SHISA6: variants seen among roughly 807,000 people sequenced by gnomAD.
SHISA6 encodes shisa family member 6.
In SHISA6, 22 loss-of-function variants were observed where a neutral mutation model predicts 47.9. The ratio of observed to expected loss-of-function variants is 0.46; its 90% CI spans 0.33 to 0.66. SHISA6 has a LOEUF of 0.66. SHISA6 is among the 30% of genes least tolerant of loss of function. The pLI is 0.02. For missense variants in SHISA6, 680 were observed against 764.6 expected (o/e 0.89, Z 1.30); for synonymous variants, 388 against 337.8 (o/e 1.15, Z -1.63).
chr17:11,291,137 A>G (rs1168883221), intron 2 of SHISA6, among the ~76,000 whole-genome samples: 10 of 152,126 alleles, frequency 6.6e-5, no homozygotes, highest in Non-Finnish European at 1.3e-4. Context: ...GGTAGTGAGC[A>G]GATATCTGCC....
chr17:11,325,678 A>G (rs1006228393), intron 2 of SHISA6, among the ~76,000 whole-genome samples: 3 of 148,066 alleles, frequency 2.0e-5, no homozygotes, highest in African/African-American at 7.5e-5. Flanking sequence ...AAATAATTGC[A>G]GGAAAGTGTG....
intron 3 of SHISA6, among the ~76,000 whole-genome samples, chr17:11,421,878 G>C (rs1914459781): frequency 6.6e-6 from 1 of 152,172 alleles, no homozygotes; most frequent in African/African-American, 2.4e-5. Context: ...CAAATTGAAA[G>C]GGTTATCTCA....
chr17:11,292,593 G>A (rs1477927502), intron 2 of SHISA6, among the ~76,000 whole-genome samples: 1 of 151,948 alleles, frequency 6.6e-6, no homozygotes, highest in Non-Finnish European at 1.5e-5. Flanking sequence ...AAAGATCCTG[G>A]GGAAGAAAAT....
In SHISA6 at chr17:11,412,697, G is replaced by A. The variant is rs533741784; in HGVS notation, c.895+33188G>A. On this transcript the variant is annotated intron_variant, in intron 3 of 5. Coordinates refer to ENST00000441885, the MANE Select transcript of SHISA6 (RefSeq NM_207386.4). ...GCTGGGACTACAGGCACCGGCCACC[G>A]TGCCGGGCTAATTTTTTGTATTTTT... is the stretch of plus-strand genomic sequence containing the variant. 1.5e-3 allele frequency among the ~76,000 whole-genome samples: 227 copies of A among 152,006 alleles called. 2 individuals are homozygous for A. Among genetic ancestry groups the A allele is most frequent in the East Asian group, 3.9e-3 (20 of 5,138 alleles).
At chr17:11,257,660 C>CA (rs11436926) in intron 1 of SHISA6, among the ~76,000 whole-genome samples, 112,739 of 136,632 alleles carry the variant, frequency 0.83, 47,319 homozygotes, top group South Asian at 0.92. Context: ...GATCCTGTCT[C>CA]AAAAAAAAAA....
At chr17:11,539,503 T>C (rs2071815647) in intron 3 of SHISA6, among the ~76,000 whole-genome samples, 1 of 152,212 alleles carries the variant, frequency 6.6e-6, no homozygotes, top group Non-Finnish European at 1.5e-5. Flanking sequence ...CACAGTGTAT[T>C]TGTACCACAG....
intron 2 of SHISA6, among the ~76,000 whole-genome samples, chr17:11,308,035 G>T (rs1910187273): frequency 6.6e-6 from 1 of 152,228 alleles, no homozygotes; most frequent in East Asian, 1.9e-4. Flanking sequence ...TTGTCCTGAT[G>T]GTCTGACTTT....
chr17:11,552,295 T>G (rs531307656), intron 4 of SHISA6, among the ~76,000 whole-genome samples: 1 of 152,308 alleles, frequency 6.6e-6, no homozygotes, highest in South Asian at 2.1e-4. Flanking sequence ...TCAAAGCTAT[T>G]TGTGATATCA....
At chr17:11,479,212 T>C (rs1434193514) in intron 3 of SHISA6, among the ~76,000 whole-genome samples, 1 of 152,072 alleles carries the variant, frequency 6.6e-6, no homozygotes, top group Non-Finnish European at 1.5e-5. Flanking sequence ...CACTCCAGCC[T>C]GGGTGACAGA....
chr17:11,425,217 T>G (rs1180908480), intron 3 of SHISA6, among the ~76,000 whole-genome samples: 1 of 151,734 alleles, frequency 6.6e-6, no homozygotes, highest in Non-Finnish European at 1.5e-5. Context: ...TAACTCAACA[T>G]GGTAAGCTCT....
chr17:11,328,047 A>G (rs1226300400), intron 2 of SHISA6, among the ~76,000 whole-genome samples: 2 of 152,176 alleles, frequency 1.3e-5, no homozygotes, highest in Non-Finnish European at 2.9e-5. Flanking sequence ...TGTGACATTT[A>G]CAGTTTATTT....
chr17:11,365,675 C>T (rs1046416827), intron 2 of SHISA6, among the ~76,000 whole-genome samples: 4 of 152,192 alleles, frequency 2.6e-5, no homozygotes, highest in Admixed American at 6.5e-5. Context: ...GTCCGTTAAT[C>T]CATTGGCAAC....
chr17:11,395,221 A>T (rs1913530218), intron 3 of SHISA6, among the ~76,000 whole-genome samples: 1 of 151,766 alleles, frequency 6.6e-6, no homozygotes, highest in Non-Finnish European at 1.5e-5. Context: ...ATACCAGTAC[A>T]TAATCTAAAG....
intron 1 of SHISA6, among the ~76,000 whole-genome samples, chr17:11,259,437 T>C (rs1399118837): frequency 2.0e-5 from 3 of 152,252 alleles, no homozygotes; most frequent in Non-Finnish European, 4.4e-5. Context: ...ACTCAATAAA[T>C]GATAGTCTTT....
intron 1 of SHISA6, among the ~76,000 whole-genome samples, chr17:11,259,892 C>A (rs912054534): frequency 2.0e-5 from 3 of 152,122 alleles, no homozygotes; most frequent in African/African-American, 7.2e-5. Context: ...AAGTCAGAAG[C>A]CTTGAAGTTA....
chr17:11,431,490 G>A (rs11654375), intron 3 of SHISA6, among the ~76,000 whole-genome samples: 14,040 of 152,224 alleles, frequency 0.092, 720 homozygotes, highest in Non-Finnish European at 0.11. Flanking sequence ...TTTTCCCATG[G>A]TCCAAGGAGG....
chr17:11,416,909 T>G (rs2142277947), intron 3 of SHISA6, among the ~76,000 whole-genome samples: 1 of 152,222 alleles, frequency 6.6e-6, no homozygotes, highest in East Asian at 1.9e-4. Flanking sequence ...ACACAAAATC[T>G]TCATCCCAGA....
chr17:11,452,300 T>C (rs948807190), intron 3 of SHISA6, among the ~76,000 whole-genome samples: 1 of 152,196 alleles, frequency 6.6e-6, no homozygotes, highest in African/African-American at 2.4e-5. Context: ...ATCCTCATGG[T>C]TGTGTTTCTG....
intron 2 of SHISA6, among the ~76,000 whole-genome samples, chr17:11,266,939 A>C (rs1908446496): frequency 2.6e-5 from 4 of 152,194 alleles, no homozygotes; most frequent in Admixed American, 2.6e-4. Context: ...GTGGGTTGAG[A>C]GTCCTGCAGT....
Sources: allele counts gnomAD v4.1 joint callset (sites outside exome capture counted in the v4.1 genomes callset), GRCh38; gene constraint gnomAD v4.1.1; transcripts MANE v1.5; gene names NCBI Gene and HGNC (gene_info 2026-07-23, HGNC 2026-07-21).